BCAS4: variants seen among roughly 807,000 people sequenced by gnomAD.
The protein encoded by BCAS4 is breast carcinoma-amplified sequence 4.
In BCAS4, 9 loss-of-function variants were observed where a neutral mutation model predicts 15.7. The ratio of observed to expected loss-of-function variants is 0.57; its 90% CI spans 0.34 to 1.00. The LOEUF is 1.00. Among genes scored for constraint, BCAS4 ranks in the 50% least tolerant of loss-of-function variants. The probability of loss-of-function intolerance (pLI) is 0.02; values close to 1 mark genes in which losing one functional copy is unlikely to be tolerated. For missense variants in BCAS4, 225 were observed against 239.1 expected, an observed-to-expected ratio of 0.94 and a Z score of 0.39; for synonymous variants, 101 against 99.5, an observed-to-expected ratio of 1.02 and a Z score of -0.09.
intron 2 of BCAS4, 55 bp from the exon 3 acceptor site, chr20:50,830,224 C>CAGG: frequency 6.8e-7 from 1 of 1,462,310 alleles, no homozygotes; most frequent in Non-Finnish European, 9.6e-7. Context: ...CTGAGGCAGG[C>CAGG]AGGAGGACAC....
At chr20:50,805,387 C>T (rs987518100) in intron 1 of BCAS4, among the ~76,000 whole-genome samples, 1 of 152,182 alleles carries the variant, frequency 6.6e-6, no homozygotes, top group Non-Finnish European at 1.5e-5. Context: ...TTTTATTTGG[C>T]TGTCATAGTG....
At chr20:50,825,189 C>G (rs1325311282) in intron 2 of BCAS4, among the ~76,000 whole-genome samples, 1 of 152,180 alleles carries the variant, frequency 6.6e-6, no homozygotes, top group African/African-American at 2.4e-5. Flanking sequence ...CTGTTGGTAT[C>G]GTGCCCCTCT....
intron 4 of BCAS4, among the ~76,000 whole-genome samples, chr20:50,868,849 A>C (rs1314069673): frequency 6.6e-6 from 1 of 152,248 alleles, no homozygotes; most frequent in Admixed American, 6.5e-5. Context: ...AACAGGCTGC[A>C]CCTGGTGCTT....
At chr20:50,805,188 A>G (rs1261452327) in intron 1 of BCAS4, among the ~76,000 whole-genome samples, 2 of 152,156 alleles carry the variant, frequency 1.3e-5, no homozygotes, top group Non-Finnish European at 2.9e-5. Flanking sequence ...CATCAACCAC[A>G]ACCAATTTTA....
intron 4 of BCAS4, among the ~76,000 whole-genome samples, chr20:50,866,163 T>A (rs1017374140): frequency 3.3e-5 from 5 of 152,146 alleles, no homozygotes; most frequent in African/African-American, 1.2e-4. Context: ...TCATCACAGG[T>A]CCTCACTCAC....
At chr20:50,816,837 C>T (rs1341916930) in intron 1 of BCAS4, among the ~76,000 whole-genome samples, 1 of 122,044 alleles carries the variant, frequency 8.2e-6, no homozygotes, top group African/African-American at 3.3e-5. Flanking sequence ...CGGAATCTCG[C>T]TCTGTCGCCC....
At chr20:50,796,963 C>T (rs759686226) in intron 1 of BCAS4, among the ~76,000 whole-genome samples, 1 of 151,900 alleles carries the variant, frequency 6.6e-6, no homozygotes, top group Non-Finnish European at 1.5e-5. Flanking sequence ...CCCGCATAGC[C>T]AGGACCACAG....
chr20:50,850,231 A>G (rs1978338582), intron 4 of BCAS4, among the ~76,000 whole-genome samples: 1 of 152,198 alleles, frequency 6.6e-6, no homozygotes, highest in Admixed American at 6.5e-5. Flanking sequence ...GCCTCATCTC[A>G]ATTTCCTGTA....
intron 3 of BCAS4, among the ~76,000 whole-genome samples, chr20:50,837,117 T>C (rs907139484): frequency 1.3e-5 from 2 of 152,160 alleles, no homozygotes; most frequent in East Asian, 3.9e-4. Flanking sequence ...GGTCCTGCTA[T>C]TAGTCTCATT....
intron 1 of BCAS4, among the ~76,000 whole-genome samples, chr20:50,808,906 C>T (rs6091219): frequency 6.6e-6 from 1 of 152,130 alleles, no homozygotes; most frequent in South Asian, 2.1e-4. Context: ...AAGTCTTTGC[C>T]TAAGCCAATC....
chr20:50,860,734 G>A (rs1979024255), intron 4 of BCAS4, among the ~76,000 whole-genome samples: 1 of 152,126 alleles, frequency 6.6e-6, no homozygotes, highest in Admixed American at 6.6e-5. Context: ...AAATTAGCCA[G>A]GTGTGAAGGC....
chr20:50,801,192 C>T (rs533274362), intron 1 of BCAS4, among the ~76,000 whole-genome samples: 2 of 151,940 alleles, frequency 1.3e-5, no homozygotes, highest in African/African-American at 4.8e-5. Flanking sequence ...TTTGGGAGGC[C>T]GAGGCGGGTG....
In BCAS4 at chr20:50,851,701, G is replaced by A. The variant is rs564321590; in HGVS notation, c.399+9801G>A. ...GCCCTGGGCCCAGCCCTGCCATCCTGGGGTTGTTGGACATTGTTTGCGGCC... is the reference window on the plus strand; with the variant it reads ...GCCCTGGGCCCAGCCCTGCCATCCTAGGGTTGTTGGACATTGTTTGCGGCC... On this transcript the variant is annotated intron_variant, in intron 4 of 4. Coordinates refer to ENST00000371608, the MANE Select transcript of BCAS4 (RefSeq NM_198799.4). The surrounding 1 kb of genome is among the most constrained non-coding windows in gnomAD (Gnocchi z 4.3). Among the ~76,000 whole-genome samples the A allele has an allele frequency of 1.8e-3, 268 of 152,270 alleles. No homozygotes were observed. The highest frequency in any genetic ancestry group is 3.0e-3 in the Non-Finnish European group (204 of 68,028).
At chr20:50,804,541 T>A (rs1569017028) in intron 1 of BCAS4, among the ~76,000 whole-genome samples, 1 of 152,268 alleles carries the variant, frequency 6.6e-6, no homozygotes, top group Non-Finnish European at 1.5e-5. Context: ...TGCACATACA[T>A]CATTTTGCAT....
chr20:50,795,203 G>A (rs1416598196), intron 1 of BCAS4, 30 bp downstream of exon 1: 7 of 1,361,486 alleles, frequency 5.1e-6, no homozygotes. Flanking sequence ...AGTTGGAGGA[G>A]AGGGTTCTCG....
intron 1 of BCAS4, among the ~76,000 whole-genome samples, chr20:50,799,532 C>T (rs948837456): frequency 6.6e-6 from 1 of 152,202 alleles, no homozygotes; most frequent in Admixed American, 6.5e-5. Context: ...TGGACAGCAG[C>T]CTCCTCCCAA....
At chr20:50,869,546 A>G (rs1600904850) in intron 4 of BCAS4, among the ~76,000 whole-genome samples, 3 of 152,142 alleles carry the variant, frequency 2.0e-5, no homozygotes, top group Admixed American at 6.5e-5. Flanking sequence ...AGCCAACCAC[A>G]TAAAAGTCAG....
At chr20:50,808,087 AT>A (rs1369663188) in intron 1 of BCAS4, among the ~76,000 whole-genome samples, 4 of 148,200 alleles carry the variant, frequency 2.7e-5, no homozygotes, top group South Asian at 4.3e-4. Flanking sequence ...TTTTTTTTGT[AT>A]TTTTTAATAG....
chr20:50,841,969 G>C (rs1442832201), intron 4 of BCAS4, 69 bp downstream of exon 4: 1 of 1,483,832 alleles, frequency 6.7e-7, no homozygotes, highest in East Asian at 2.4e-5. Flanking sequence ...CCAGCGTGGG[G>C]AGGAGCATGC....
Sources: allele counts gnomAD v4.1 joint callset (sites outside exome capture counted in the v4.1 genomes callset), GRCh38; gene constraint gnomAD v4.1.1; non-coding constraint Gnocchi (gnomAD v3.1); transcripts MANE v1.5; gene names NCBI Gene and HGNC (gene_info 2026-07-23, HGNC 2026-07-21).